The following ERC2 variants were observed in gnomAD, a reference collection of about 807,000 sequenced individuals.
ERC2 encodes the protein ELKS/RAB6-interacting/CAST family member 2, also known as ERC protein 2.
In ERC2, 42 loss-of-function variants were observed where a neutral mutation model predicts 114.8. The observed-to-expected ratio is 0.37, with a 90% CI of 0.29 to 0.47. ERC2 has a LOEUF of 0.47. ERC2 is among the 20% of genes least tolerant of loss of function. The pLI, the probability that ERC2 is intolerant of heterozygous loss-of-function variation, is 0.99. For missense variants in ERC2, 939 were observed against 1,150.7 expected, an observed-to-expected ratio of 0.82 and a Z score of 2.66; for synonymous variants, 454 against 425.5, an observed-to-expected ratio of 1.07 and a Z score of -0.82.
chr3:55,696,778 T>C (rs1029018127), intron 16 of ERC2, among the ~76,000 whole-genome samples: 1 of 152,184 alleles, frequency 6.6e-6, no homozygotes, highest in Non-Finnish European at 1.5e-5. Flanking sequence ...AGACCTGGGA[T>C]GCCCAGTCAA....
At position 56,119,614 on chromosome 3, in the gene ERC2, T is replaced by C. The variant is rs555184495; in HGVS notation, c.1473+19895A>G. The stretch of plus-strand genomic sequence containing the variant: ...ACTGAAATTACTTGATTAATATCTT[T>C]CTCTTCCAGAGATGGAAAACTCCAG... On this transcript the variant is annotated intron_variant, in intron 6 of 17. Coordinates refer to ENST00000288221, the MANE Select transcript of ERC2 (RefSeq NM_015576.3). Among the ~76,000 whole-genome samples the C allele has an allele frequency of 5.3e-5, 8 of 152,354 alleles. No homozygotes were observed. The South Asian group carries it at 1.7e-3, about 32-fold the overall frequency.
intron 13 of ERC2, among the ~76,000 whole-genome samples, chr3:55,890,411 G>T (rs2063547610): frequency 6.6e-6 from 1 of 152,038 alleles, no homozygotes; most frequent in Admixed American, 6.5e-5. Flanking sequence ...ACATAATATT[G>T]ATTTCAGAGG....
At chr3:55,921,278 A>C (rs182552237) in intron 13 of ERC2, among the ~76,000 whole-genome samples, 149 of 152,226 alleles carry the variant, frequency 9.8e-4, no homozygotes, top group African/African-American at 3.4e-3. Flanking sequence ...CAAAATAGTT[A>C]TGACCCTTTA....
intron 3 of ERC2, among the ~76,000 whole-genome samples, chr3:56,270,807 G>A (rs373134482): frequency 3.9e-5 from 6 of 152,164 alleles, no homozygotes; most frequent in African/African-American, 2.4e-5. Context: ...GTGAAACCCC[G>A]TCTCTACTAA....
intron 13 of ERC2, among the ~76,000 whole-genome samples, chr3:55,902,923 A>T (rs1301891199): frequency 3.3e-5 from 5 of 152,156 alleles, no homozygotes; most frequent in Non-Finnish European, 1.5e-5. Context: ...AAAACAACCA[A>T]AGTACACATC....
chr3:55,667,738 A>G (rs919153176), intron 17 of ERC2, among the ~76,000 whole-genome samples: 2 of 152,208 alleles, frequency 1.3e-5, no homozygotes, highest in Admixed American at 6.5e-5. Flanking sequence ...GGCGTGTGCT[A>G]TTATTAGTTA....
intron 16 of ERC2, among the ~76,000 whole-genome samples, chr3:55,689,959 C>T (rs574817619): frequency 6.6e-6 from 1 of 152,188 alleles, no homozygotes; most frequent in South Asian, 2.1e-4. Context: ...ACATATCATC[C>T]CTGTTGGTAG....
At chr3:55,550,656 T>G (rs1019240636) in intron 17 of ERC2, among the ~76,000 whole-genome samples, 1 of 152,156 alleles carries the variant, frequency 6.6e-6, no homozygotes, top group Non-Finnish European at 1.5e-5. Flanking sequence ...GTCACACAGC[T>G]AGTAAGAGAT....
chr3:56,156,104 A>G (rs2081704048), intron 4 of ERC2, among the ~76,000 whole-genome samples: 1 of 152,212 alleles, frequency 6.6e-6, no homozygotes, highest in African/African-American at 2.4e-5. Context: ...GGAGACGACA[A>G]AACCATCACT....
chr3:55,597,362 G>A (rs1030408232), intron 17 of ERC2, among the ~76,000 whole-genome samples: 5 of 150,756 alleles, frequency 3.3e-5, no homozygotes, highest in Non-Finnish European at 7.4e-5. Context: ...GGAGCTTGCA[G>A]TGAGCCCAGA....
At chr3:56,463,063 C>T (rs1008175816) in intron 1 of ERC2, among the ~76,000 whole-genome samples, 1 of 152,000 alleles carries the variant, frequency 6.6e-6, no homozygotes, top group Non-Finnish European at 1.5e-5. Context: ...CTCATCTTTA[C>T]AAAAGTATAC....
chr3:56,248,865 T>TA (rs2051909662), intron 3 of ERC2, among the ~76,000 whole-genome samples: 1 of 152,246 alleles, frequency 6.6e-6, no homozygotes, highest in South Asian at 2.1e-4. Context: ...GCAATACACG[T>TA]ACACAGAAAA....
intron 17 of ERC2, among the ~76,000 whole-genome samples, chr3:55,555,559 A>G (rs1378710190): frequency 1.3e-5 from 2 of 152,232 alleles, no homozygotes; most frequent in East Asian, 1.9e-4. Context: ...AAAATGGTTA[A>G]AAGCAGAAGT....
At chr3:55,582,027 C>T (rs781620702) in intron 17 of ERC2, among the ~76,000 whole-genome samples, 9 of 152,166 alleles carry the variant, frequency 5.9e-5, no homozygotes, top group Non-Finnish European at 1.2e-4. Context: ...CTCTCATCAA[C>T]CTCCTGGCCT....
At position 55,913,242 on chromosome 3, in the gene ERC2, G is replaced by A. The variant is rs145724177; in HGVS notation, c.2404-24693C>T. Among the ~76,000 whole-genome samples the A allele has an allele frequency of 3.7e-3, 564 of 152,106 alleles. 4 individuals carry two copies. The highest frequency in any genetic ancestry group is 0.013 in the African/African-American group (540 of 41,498). The stretch of plus-strand genomic sequence containing the variant: ...AAATAACATGGATGTTTTCTCTATC[G>A]ATAAATATTGATCTAGTTCATTTTT... On this transcript the variant is annotated intron_variant, in intron 13 of 17. Coordinates refer to ENST00000288221, the MANE Select transcript of ERC2 (RefSeq NM_015576.3).
intron 17 of ERC2, among the ~76,000 whole-genome samples, chr3:55,542,521 C>A (rs1177504): frequency 0.33 from 50,608 of 152,016 alleles, 10,236 homozygotes; most frequent in East Asian, 0.61. Context: ...CTTTCTCATG[C>A]CTTGAAAAAG....
chr3:56,236,186 C>A (rs2050931765), intron 3 of ERC2, among the ~76,000 whole-genome samples: 1 of 151,900 alleles, frequency 6.6e-6, no homozygotes, highest in African/African-American at 2.4e-5. Flanking sequence ...TTCATCTCTC[C>A]TTATTAAAAA....
intron 6 of ERC2, among the ~76,000 whole-genome samples, chr3:56,082,008 A>C (rs1317738515): frequency 1.3e-5 from 2 of 152,224 alleles, no homozygotes; most frequent in Non-Finnish European, 2.9e-5. Flanking sequence ...GATTTCCAAG[A>C]GTCTTGTTCT....
intron 1 of ERC2, among the ~76,000 whole-genome samples, chr3:56,436,617 G>C (rs2062031462): frequency 6.6e-6 from 1 of 152,076 alleles, no homozygotes; most frequent in Non-Finnish European, 1.5e-5. Context: ...ATGGTGCAAG[G>C]GGTGAGAACA....
Sources: allele counts gnomAD v4.1 joint callset (sites outside exome capture counted in the v4.1 genomes callset), GRCh38; gene constraint gnomAD v4.1.1; transcripts MANE v1.5; gene names NCBI Gene and HGNC (gene_info 2026-07-23, HGNC 2026-07-21).